The following GTF2E2 variants were observed in gnomAD, a reference collection of about 807,000 sequenced individuals.
The protein encoded by GTF2E2 is general transcription factor IIE subunit 2.
GTF2E2 carries 21 observed loss-of-function variants against 40.5 expected under a neutral mutation model. The ratio of observed to expected loss-of-function variants is 0.52; its 90% CI spans 0.37 to 0.75. The LOEUF is 0.75. GTF2E2 is among the 30% of genes least tolerant of loss of function. The pLI is 0.00. For missense variants in GTF2E2, 298 were observed against 338.4 expected, an observed-to-expected ratio of 0.88 and a Z score of 0.94; for synonymous variants, 117 against 121.6, an observed-to-expected ratio of 0.96 and a Z score of 0.25.
chr8:30,643,938 T>C (rs978007127), intron 2 of GTF2E2: 1 of 152,156 alleles, frequency 6.6e-6, no homozygotes, highest in Non-Finnish European at 1.5e-5. Context: ...TCAATAAACA[T>C]TTGTTATAAA....
At chr8:30,592,479 G>A (rs1269893843) in intron 6 of GTF2E2, among the ~76,000 whole-genome samples, 4 of 152,098 alleles carry the variant, frequency 2.6e-5, no homozygotes, top group African/African-American at 7.2e-5. Flanking sequence ...CACACACATC[G>A]TTCACGTATA....
Position 30,612,346 on chromosome 8 carries a change from A to G in GTF2E2, c.502T>C (p.Leu168=). The G allele has an allele frequency of 1.2e-6, 2 of 1,613,184 alleles. No individual in the cohort carries two copies. The highest frequency in any genetic ancestry group is 1.7e-6 in the Non-Finnish European group (2 of 1,179,220). ...HDQRGLGGIL[L]EDIEEALPNS... ...GGCAGTGCTTCTTCTATGTCTTCTAAAAGAATTCCTCCTAATCCTCGCTGG... is the reference window on the plus strand; with the variant it reads ...GGCAGTGCTTCTTCTATGTCTTCTAGAAGAATTCCTCCTAATCCTCGCTGG... The change falls in exon 5 of 8, where the codon TTA becomes CTA. Residue 168 remains leucine (L), a synonymous_variant. Transcript: ENST00000355904.
chr8:30,653,214 CTAAA>C (rs973954477), intron 2 of GTF2E2, among the ~76,000 whole-genome samples: 27 of 152,160 alleles, frequency 1.8e-4, no homozygotes, highest in Middle Eastern at 3.4e-3. Context: ...TAAATTAAAC[CTAAA>C]TAAAGTTTTT....
chr8:30,641,260 T>C (rs1435442297), intron 2 of GTF2E2, among the ~76,000 whole-genome samples: 1 of 152,200 alleles, frequency 6.6e-6, no homozygotes, highest in African/African-American at 2.4e-5. Flanking sequence ...AAACCTGACC[T>C]ATACACTTTC....
At chr8:30,639,227 G>A (rs1208846941) in intron 2 of GTF2E2, among the ~76,000 whole-genome samples, 1 of 152,058 alleles carries the variant, frequency 6.6e-6, no homozygotes. Flanking sequence ...GATCATAAAA[G>A]GTATCACTAT....
chr8:30,640,326 G>A (rs991791616), intron 2 of GTF2E2, among the ~76,000 whole-genome samples: 1 of 152,132 alleles, frequency 6.6e-6, no homozygotes, highest in Admixed American at 6.6e-5. Flanking sequence ...GCAACCCAAA[G>A]GTTCCAGAAC....
chr8:30,642,357 A>G (rs7826103), intron 2 of GTF2E2, among the ~76,000 whole-genome samples: 5,120 of 151,834 alleles, frequency 0.034, 286 homozygotes, highest in African/African-American at 0.12. Flanking sequence ...CATAAGCAGG[A>G]ATAAAAGAAT....
At chr8:30,622,715 C>T (rs891161644) in intron 3 of GTF2E2, among the ~76,000 whole-genome samples, 1 of 151,938 alleles carries the variant, frequency 6.6e-6, no homozygotes, top group African/African-American at 2.4e-5. Context: ...TACAGACCTA[C>T]CCCCAGGCAC....
chr8:30,587,932 TA>T (rs1446400331), intron 6 of GTF2E2, among the ~76,000 whole-genome samples: 3 of 148,814 alleles, frequency 2.0e-5, no homozygotes, highest in Non-Finnish European at 1.5e-5. Context: ...TCATCATTGC[TA>T]ATCATTAGGG....
chr8:30,642,088 T>C (rs963216150), intron 2 of GTF2E2, among the ~76,000 whole-genome samples: 2 of 152,196 alleles, frequency 1.3e-5, no homozygotes, highest in African/African-American at 2.4e-5. Flanking sequence ...ATGTATTAAA[T>C]AGATACATAA....
At chr8:30,631,014 TA>T (rs1457295643) in intron 3 of GTF2E2, among the ~76,000 whole-genome samples, 22 of 152,132 alleles carry the variant, frequency 1.4e-4, no homozygotes, top group African/African-American at 5.3e-4. Flanking sequence ...TAAAAAGAAA[TA>T]TTTTTTTCAA....
chr8:30,619,578 G>A (rs1018152979), intron 3 of GTF2E2, among the ~76,000 whole-genome samples: 1 of 151,190 alleles, frequency 6.6e-6, no homozygotes, highest in Non-Finnish European at 1.5e-5. Context: ...TAGTAGAGAC[G>A]GGGTTTCACC....
intron 3 of GTF2E2, among the ~76,000 whole-genome samples, chr8:30,633,581 C>G (rs544207745): frequency 6.6e-6 from 1 of 152,170 alleles, no homozygotes; most frequent in African/African-American, 2.4e-5. Flanking sequence ...AGTAAAAATT[C>G]TGAAGTTCAC....
chr8:30,610,858 G>A (rs890830390), intron 5 of GTF2E2, among the ~76,000 whole-genome samples: 5 of 152,162 alleles, frequency 3.3e-5, no homozygotes, highest in Non-Finnish European at 7.4e-5. Flanking sequence ...GCAAATTAAA[G>A]AGCACAATCA....
chr8:30,655,246 TTTGAGGCAAC>T (rs1802416625), intron 1 of GTF2E2, among the ~76,000 whole-genome samples: 2 of 151,142 alleles, frequency 1.3e-5, no homozygotes, highest in Admixed American at 1.3e-4. Flanking sequence ...AGGGAGGTGG[TTTGAGGCAAC>T]TTCTATGTTG....
At chr8:30,632,586 T>A (rs1268967727) in intron 3 of GTF2E2, among the ~76,000 whole-genome samples, 1 of 152,202 alleles carries the variant, frequency 6.6e-6, no homozygotes, top group African/African-American at 2.4e-5. Flanking sequence ...TTAACAGTAT[T>A]TCTATTTTCT....
intron 6 of GTF2E2, among the ~76,000 whole-genome samples, chr8:30,582,524 A>G (rs754859778): frequency 1.3e-5 from 2 of 152,200 alleles, no homozygotes; most frequent in Non-Finnish European, 2.9e-5. Context: ...CTGAAACTTC[A>G]CAAGTTTGAA....
chr8:30,603,695 T>C (rs1159558113), intron 6 of GTF2E2, among the ~76,000 whole-genome samples: 1 of 152,144 alleles, frequency 6.6e-6, no homozygotes, highest in Non-Finnish European at 1.5e-5. Flanking sequence ...GATTCTGATG[T>C]TTGCTCAGTC....
chr8:30,583,209 C>T (rs535000198), intron 6 of GTF2E2, among the ~76,000 whole-genome samples: 1 of 152,286 alleles, frequency 6.6e-6, no homozygotes, highest in Admixed American at 6.5e-5. Flanking sequence ...CAGTGGGTAC[C>T]TGTAATCCCA....
Sources: allele counts gnomAD v4.1 joint callset (sites outside exome capture counted in the v4.1 genomes callset), GRCh38; gene constraint gnomAD v4.1.1; transcripts MANE v1.5; gene names NCBI Gene and HGNC (gene_info 2026-07-23, HGNC 2026-07-21).